The following ADAM23 variants were observed in gnomAD, a reference collection of about 807,000 sequenced individuals.
The protein encoded by ADAM23 is ADAM metallopeptidase domain 23.
A neutral mutation model predicts 120.1 loss-of-function variants in ADAM23; 33 were observed. The observed-to-expected ratio is 0.27, with a 90% confidence interval of 0.21 to 0.37. The LOEUF (loss-of-function observed/expected upper bound fraction) is 0.37, where lower values mean the gene tolerates loss of function less well. ADAM23 is among the 10% of genes least tolerant of loss of function. ADAM23 has a pLI of 1.00. For missense variants in ADAM23, 862 were observed against 1,058.2 expected (o/e 0.81, Z 2.57); for synonymous variants, 367 against 375.2 (o/e 0.98, Z 0.25).
intron 3 of ADAM23, among the ~76,000 whole-genome samples, chr2:206,508,319 T>C (rs1284035719): frequency 2.0e-5 from 3 of 152,262 alleles, no homozygotes; most frequent in Non-Finnish European, 2.9e-5. Context: ...AGCCACTGTG[T>C]CCGGCCGCCT....
intron 2 of ADAM23, among the ~76,000 whole-genome samples, chr2:206,471,374 T>A (rs1013303284): frequency 6.6e-6 from 1 of 152,206 alleles, no homozygotes; most frequent in Admixed American, 6.5e-5. Context: ...TGGATTGATA[T>A]TTGCATTGAC....
At chr2:206,444,498 G>A (rs1226896222) in intron 1 of ADAM23, among the ~76,000 whole-genome samples, 1 of 152,092 alleles carries the variant, frequency 6.6e-6, no homozygotes, top group African/African-American at 2.4e-5. Context: ...TTTCGTATCC[G>A]GCGCATTCAG....
At position 206,565,049 on chromosome 2, in the gene ADAM23, T is replaced by C; in HGVS notation, c.1375T>C (p.Cys459Arg). 6.2e-7 allele frequency: 1 copy of C among 1,614,128 alleles called. No individual in the cohort carries two copies. The highest frequency in any genetic ancestry group is 8.5e-7 in the Non-Finnish European group (1 of 1,179,984). Reference sequence around the variant, plus strand: ...TGACTGCACAGAATCCTGGGGTGGCTGCATCATGGAGGAAACAGGGTAAAT... The same window carrying C: ...TGACTGCACAGAATCCTGGGGTGGCCGCATCATGGAGGAAACAGGGTAAAT... ...KCDCTESWGGCIMEETGVSHS... is the reference protein window; with the variant it reads ...KCDCTESWGGRIMEETGVSHS... Residue 459 changes from cysteine (C) to arginine (R), a missense_variant, in exon 14 of 26, where the codon TGC (cysteine) becomes CGC (arginine). Coordinates refer to ENST00000264377, the MANE Select transcript of ADAM23 (RefSeq NM_003812.4).
intron 4 of ADAM23, among the ~76,000 whole-genome samples, chr2:206,533,762 A>G (rs1487313654): frequency 6.6e-6 from 1 of 152,204 alleles, no homozygotes; most frequent in Non-Finnish European, 1.5e-5. Context: ...CTTGGCTTTT[A>G]CTTTTATTGC....
At chr2:206,444,119 C>A in intron 1 of ADAM23, 39 bp downstream of exon 1, 1 of 1,249,054 alleles carries the variant, frequency 8.0e-7, no homozygotes, top group Non-Finnish European at 1.0e-6. Flanking sequence ...GGCTTTCCCG[C>A]GGGGCCCTGC....
At chr2:206,460,934 CTTTAT>C (rs1321841822) in intron 2 of ADAM23, among the ~76,000 whole-genome samples, 1 of 152,028 alleles carries the variant, frequency 6.6e-6, no homozygotes, top group Non-Finnish European at 1.5e-5. Flanking sequence ...TAGGAACCAA[CTTTAT>C]TTTAATTTTT....
intron 3 of ADAM23, among the ~76,000 whole-genome samples, chr2:206,488,073 A>G (rs901332203): frequency 1.3e-5 from 2 of 152,256 alleles, no homozygotes; most frequent in Admixed American, 1.3e-4. Context: ...TGCTCGTTAA[A>G]AGCAGTTCAC....
intron 13 of ADAM23, among the ~76,000 whole-genome samples, chr2:206,564,172 A>G (rs973637915): frequency 2.0e-5 from 3 of 151,932 alleles, no homozygotes; most frequent in Admixed American, 1.3e-4. Flanking sequence ...ATAGATGTAT[A>G]CCTCTCTCTA....
intron 13 of ADAM23, among the ~76,000 whole-genome samples, chr2:206,562,709 T>C (rs115390137): frequency 0.012 from 1,759 of 152,278 alleles, 38 homozygotes; most frequent in African/African-American, 0.039. Context: ...ATCTTTAAAC[T>C]CTAATGAAAT....
rs568835750 is a variant in ADAM23 at position 206,596,634 on chromosome 2, CT to C, written c.2359+475del. ...GAAGGAGTTGGAATTCTTCATAGAA[CT>C]TTCATTCTTCAAAGAAAATGTGAGA... is the stretch of plus-strand genomic sequence containing the variant. On this transcript the variant is annotated intron_variant, in intron 24 of 25. Transcript: ENST00000264377. Among the ~76,000 whole-genome samples the C allele has an allele frequency of 2.0e-5, 3 of 152,312 alleles. No homozygotes were observed. The South Asian group carries it at 6.2e-4, about 32-fold the overall frequency.
At chr2:206,481,583 T>G (rs1370941344) in intron 3 of ADAM23, among the ~76,000 whole-genome samples, 1 of 152,116 alleles carries the variant, frequency 6.6e-6, no homozygotes, top group Non-Finnish European at 1.5e-5. Context: ...AAATGTTAAT[T>G]ATAATCATCA....
chr2:206,455,799 C>T (rs1010053029), intron 2 of ADAM23, among the ~76,000 whole-genome samples: 10 of 152,190 alleles, frequency 6.6e-5, no homozygotes, highest in African/African-American at 2.4e-4. Flanking sequence ...CAAGAGTGAT[C>T]TTTACTCCAG....
intron 21 of ADAM23, among the ~76,000 whole-genome samples, chr2:206,590,693 T>C (rs1698409384): frequency 6.6e-6 from 1 of 152,160 alleles, no homozygotes; most frequent in South Asian, 2.1e-4. Flanking sequence ...TTTTAAAAAA[T>C]TAAACCAAAA....
At chr2:206,463,631 G>A (rs1295321028) in intron 2 of ADAM23, among the ~76,000 whole-genome samples, 3 of 152,214 alleles carry the variant, frequency 2.0e-5, no homozygotes, top group Admixed American at 2.0e-4. Context: ...GGGCCGAAAA[G>A]GAAGGTTTAG....
At chr2:206,571,652 A>G in intron 16 of ADAM23, 75 bp from the exon 17 acceptor site, 7 of 1,015,320 alleles carry the variant, frequency 6.9e-6, no homozygotes, top group South Asian at 1.3e-5. Context: ...TGGAATATGC[A>G]TGCCACGTGT....
chr2:206,579,656 G>C (rs1452104963), intron 18 of ADAM23, among the ~76,000 whole-genome samples: 1 of 152,172 alleles, frequency 6.6e-6, no homozygotes, highest in Non-Finnish European at 1.5e-5. Flanking sequence ...TTGAAATCAG[G>C]TAATGCAATG....
chr2:206,515,425 T>C (rs2105785791), intron 3 of ADAM23, among the ~76,000 whole-genome samples: 1 of 152,206 alleles, frequency 6.6e-6, no homozygotes, highest in East Asian at 1.9e-4. Flanking sequence ...CTCCATGAGA[T>C]TTGCTCCATG....
At chr2:206,599,451 A>G (rs1698595261) in intron 24 of ADAM23, among the ~76,000 whole-genome samples, 1 of 152,206 alleles carries the variant, frequency 6.6e-6, no homozygotes. Flanking sequence ...TAGTACAAGT[A>G]AATAATAGCT....
intron 3 of ADAM23, among the ~76,000 whole-genome samples, chr2:206,492,577 A>T (rs1384397664): frequency 1.3e-5 from 2 of 152,164 alleles, no homozygotes; most frequent in Non-Finnish European, 2.9e-5. Context: ...CCAAGCCTTG[A>T]TATCTGGTGA....
Sources: gnomAD v4.1 joint callset for allele counts (sites outside exome capture counted in the v4.1 genomes callset) on GRCh38, gnomAD v4.1.1 for gene constraint, MANE v1.5 for transcripts, NCBI Gene and HGNC (gene_info 2026-07-23, HGNC 2026-07-21) for gene names.